The following DPP6 variants were observed in gnomAD, a reference collection of about 807,000 sequenced individuals.
DPP6 encodes the protein dipeptidyl peptidase like 6, also known as A-type potassium channel modulatory protein DPP6.
Under a neutral mutation model 122.6 loss-of-function variants are expected in DPP6, and 69 were observed. The observed-to-expected ratio is 0.56, with a 90% CI of 0.46 to 0.69. DPP6 has a LOEUF of 0.69. DPP6 is among the 30% of genes least tolerant of loss of function. The pLI is 0.00. For missense variants in DPP6, 928 were observed against 1,116.9 expected, an observed-to-expected ratio of 0.83 and a Z score of 2.41; for synonymous variants, 418 against 433.1, an observed-to-expected ratio of 0.97 and a Z score of 0.43.
At chr7:154,449,375 T>C (rs1426349079) in intron 2 of DPP6, among the ~76,000 whole-genome samples, 1 of 152,118 alleles carries the variant, frequency 6.6e-6, no homozygotes, top group Non-Finnish European at 1.5e-5. Context: ...CACAATGAAA[T>C]ACCACTTCAC....
At chr7:154,742,550 C>T (rs1842862706) in intron 8 of DPP6, among the ~76,000 whole-genome samples, 1 of 152,178 alleles carries the variant, frequency 6.6e-6, no homozygotes. Flanking sequence ...ATCTTTTCTC[C>T]AGTTTTTGTT....
chr7:154,529,742 G>A (rs1449732842), intron 3 of DPP6, among the ~76,000 whole-genome samples: 2 of 152,092 alleles, frequency 1.3e-5, no homozygotes, highest in East Asian at 3.8e-4. Flanking sequence ...CTTATAAATA[G>A]AACAATAAAA....
Position 154,218,749 on chromosome 7 carries a change from C to T in DPP6, c.243+165686C>T, listed in dbSNP as rs76628131. Among the ~76,000 whole-genome samples the T allele has an allele frequency of 4.2e-3, 643 of 152,316 alleles. 7 individuals carry two copies. Among genetic ancestry groups the T allele is most frequent in the African/African-American group, 0.015 (623 of 41,568 alleles). Reference sequence around the variant, plus strand: ...CAGCTCATCTGGAAGTGCTCCACTGCACCACCACAGAATCTATCTCTGCCA... The same window carrying T: ...CAGCTCATCTGGAAGTGCTCCACTGTACCACCACAGAATCTATCTCTGCCA... On this transcript the variant is annotated intron_variant, in intron 1 of 25. Transcript: ENST00000377770.
chr7:154,710,424 C>T (rs774839721), intron 7 of DPP6, among the ~76,000 whole-genome samples: 27 of 152,362 alleles, frequency 1.8e-4, no homozygotes, highest in Admixed American at 5.9e-4. Flanking sequence ...GCAAAGAGGA[C>T]TCACCTTAGG....
At chr7:154,746,465 C>A (rs1290778690) in intron 8 of DPP6, among the ~76,000 whole-genome samples, 1 of 152,106 alleles carries the variant, frequency 6.6e-6, no homozygotes, top group Non-Finnish European at 1.5e-5. Flanking sequence ...CACCCCTCAC[C>A]CCCAGCTTGA....
intron 1 of DPP6, among the ~76,000 whole-genome samples, chr7:154,402,247 G>T (rs1300469353): frequency 6.6e-6 from 1 of 151,842 alleles, no homozygotes; most frequent in African/African-American, 2.4e-5. Flanking sequence ...CCCATTACTG[G>T]GTATATACCC....
At chr7:154,364,992 C>T (rs1043959235) in intron 1 of DPP6, among the ~76,000 whole-genome samples, 3 of 152,174 alleles carry the variant, frequency 2.0e-5, no homozygotes, top group Admixed American at 1.3e-4. Context: ...CCACAATCTA[C>T]AGACAACCCA....
At chr7:153,892,932 T>C (rs1008757619) in intron 1 of DPP6, among the ~76,000 whole-genome samples, 4 of 152,182 alleles carry the variant, frequency 2.6e-5, no homozygotes, top group African/African-American at 9.6e-5. Flanking sequence ...AGACGTTTCT[T>C]GAAATATTGA....
intron 8 of DPP6, among the ~76,000 whole-genome samples, chr7:154,729,827 T>G (rs969344798): frequency 6.6e-6 from 1 of 152,160 alleles, no homozygotes; most frequent in Non-Finnish European, 1.5e-5. Context: ...GAATCAACCC[T>G]GAGATTTTAT....
At chr7:154,409,482 A>C (rs1390954996) in intron 1 of DPP6, among the ~76,000 whole-genome samples, 1 of 152,146 alleles carries the variant, frequency 6.6e-6, no homozygotes, top group Non-Finnish European at 1.5e-5. Flanking sequence ...TAGCCTTAGA[A>C]ACTAATTCAA....
intron 3 of DPP6, among the ~76,000 whole-genome samples, chr7:154,529,218 C>G (rs77533739): frequency 3.3e-5 from 5 of 152,100 alleles, no homozygotes; most frequent in African/African-American, 1.2e-4. Context: ...ATGGGCAAGT[C>G]AGGAAATAAT....
intron 17 of DPP6, among the ~76,000 whole-genome samples, chr7:154,864,722 T>G (rs779900733): frequency 5.9e-5 from 9 of 152,182 alleles, no homozygotes; most frequent in Non-Finnish European, 1.2e-4. Flanking sequence ...TTAACTAAAT[T>G]TAATAGTCTG....
chr7:154,264,451 G>A (rs1249854394), intron 1 of DPP6, among the ~76,000 whole-genome samples: 1 of 151,862 alleles, frequency 6.6e-6, no homozygotes, highest in Non-Finnish European at 1.5e-5. Context: ...TGTTACTTTG[G>A]ACAATTACTC....
chr7:154,083,593 G>A (rs1042708423), intron 1 of DPP6, among the ~76,000 whole-genome samples: 1 of 150,686 alleles, frequency 6.6e-6, no homozygotes, highest in African/African-American at 2.5e-5. Context: ...GCATGACTGA[G>A]GTCTAGGTAT....
intron 1 of DPP6, among the ~76,000 whole-genome samples, chr7:154,438,313 C>CA (rs1023157860): frequency 3.2e-4 from 49 of 150,848 alleles, no homozygotes; most frequent in Non-Finnish European, 5.6e-4. Flanking sequence ...TAAAAAAATA[C>CA]AAAAAAATTA....
chr7:153,843,188 G>T, the DPP6 span, among the ~76,000 whole-genome samples: 1 of 150,868 alleles, frequency 6.6e-6, no homozygotes, highest in East Asian at 2.0e-4. Flanking sequence ...GCATACACAC[G>T]CGTGCATACA....
At chr7:154,582,292 G>A (rs1341400175) in intron 5 of DPP6, among the ~76,000 whole-genome samples, 1 of 152,174 alleles carries the variant, frequency 6.6e-6, no homozygotes, top group African/African-American at 2.4e-5. Context: ...CATGTCCTGA[G>A]GATAATTATT....
chr7:154,810,070 G>T (rs1235198227), intron 16 of DPP6, among the ~76,000 whole-genome samples: 2 of 152,210 alleles, frequency 1.3e-5, no homozygotes, highest in Non-Finnish European at 2.9e-5. Context: ...TGGCCAGGCT[G>T]GTCTCACACT....
chr7:154,868,828 C>T (rs1032892637), intron 18 of DPP6, among the ~76,000 whole-genome samples: 13 of 152,226 alleles, frequency 8.5e-5, no homozygotes, highest in African/African-American at 3.1e-4. Flanking sequence ...AAAATGCCCA[C>T]AGCGGATTTC....
Sources: gnomAD v4.1 joint callset for allele counts (sites outside exome capture counted in the v4.1 genomes callset) on GRCh38, gnomAD v4.1.1 for gene constraint, MANE v1.5 for transcripts, NCBI Gene and HGNC (gene_info 2026-07-23, HGNC 2026-07-21) for gene names.